EXOC6: variants seen among roughly 807,000 people sequenced by gnomAD.
The protein encoded by EXOC6 is exocyst complex component 6.
Under a neutral mutation model 112.5 loss-of-function variants are expected in EXOC6, and 60 were observed. The ratio of observed to expected loss-of-function variants is 0.53; its 90% CI spans 0.43 to 0.66. The LOEUF (loss-of-function observed/expected upper bound fraction) is 0.66. Ranked by LOEUF, EXOC6 falls within the 30% of genes least tolerant of loss-of-function variation. EXOC6 has a pLI of 0.00. For synonymous variants in EXOC6, 295 were observed against 308.0 expected (o/e 0.96, Z 0.44); for missense variants, 855 against 957.1 (o/e 0.89, Z 1.41).
chr10:92,890,471 C>A (rs1295143732), intron 1 of EXOC6, among the ~76,000 whole-genome samples: 7 of 152,076 alleles, frequency 4.6e-5, no homozygotes, highest in African/African-American at 1.7e-4. Context: ...GCTGGGGATG[C>A]AATAGGGAAC....
intron 1 of EXOC6, among the ~76,000 whole-genome samples, chr10:92,861,268 G>A (rs1023715432): frequency 1.3e-5 from 2 of 152,168 alleles, no homozygotes; most frequent in African/African-American, 2.4e-5. Flanking sequence ...CTGGGGGCAC[G>A]AACAGTGGCC....
intron 5 of EXOC6, among the ~76,000 whole-genome samples, chr10:92,905,840 T>G (rs535329596): frequency 6.6e-6 from 1 of 152,284 alleles, no homozygotes; most frequent in East Asian, 1.9e-4. Context: ...ATTCTGTCAA[T>G]GCCAATTAGA....
At chr10:93,029,421 G>T (rs938926015) in intron 20 of EXOC6, among the ~76,000 whole-genome samples, 1 of 151,994 alleles carries the variant, frequency 6.6e-6, no homozygotes, top group African/African-American at 2.4e-5. Flanking sequence ...CCATGTATTT[G>T]CCATTTGAAT....
chr10:92,929,034 G>A (rs1851875962), intron 9 of EXOC6, among the ~76,000 whole-genome samples: 1 of 152,208 alleles, frequency 6.6e-6, no homozygotes, highest in Admixed American at 6.5e-5. Flanking sequence ...AGGAGAATCT[G>A]CTGAGTAGGA....
chr10:92,860,508 G>T (rs993632655), intron 1 of EXOC6, among the ~76,000 whole-genome samples: 1 of 151,896 alleles, frequency 6.6e-6, no homozygotes, highest in African/African-American at 2.4e-5. Flanking sequence ...TGATCCACCC[G>T]CCTCGGCCTC....
rs1008701702 is a variant in EXOC6 at position 93,047,878 on chromosome 10, G to A, written c.2170-9046G>A. Among the ~76,000 whole-genome samples, 5 of 151,628 alleles carry A rather than the reference G, an allele frequency of 3.3e-5. No individual in the cohort carries two copies. In the South Asian group the frequency reaches 6.2e-4, roughly 19 times the overall value. On this transcript the variant is annotated intron_variant, in intron 20 of 21. Coordinates refer to ENST00000260762, the MANE Select transcript of EXOC6 (RefSeq NM_019053.6). The stretch of plus-strand genomic sequence containing the variant: ...GGAGAATTGCTTGAACCTGGGAGGC[G>A]GAGGTTGCAGTGAGCCAAGATCACG...
Position 92,952,379 on chromosome 10 carries a change from G to A in EXOC6, c.1523G>A (p.Arg508Gln), listed in dbSNP as rs201442114. Residue 508 changes from arginine to glutamine, a missense_variant, in exon 15 of 22, where the codon CGG becomes CAG. Coordinates refer to ENST00000260762, the MANE Select transcript of EXOC6 (RefSeq NM_019053.6). The stretch of plus-strand genomic sequence containing the variant: ...CTTAAATTTTCAGAGTCACTACACC[G>A]GAGGTGAGTTTACTAATCACAAATG... The part of the protein sequence containing the change: ...ASLKFSESLH[R>Q]SSTEIDDMLR... 57 of 1,564,980 alleles carry A rather than the reference G, an allele frequency of 3.6e-5. 1 individual carries two copies. The highest frequency in any genetic ancestry group is 2.2e-4 in the East Asian group (10 of 44,612).
chr10:92,923,604 A>G (rs887291713), intron 8 of EXOC6, among the ~76,000 whole-genome samples: 1 of 152,230 alleles, frequency 6.6e-6, no homozygotes, highest in Non-Finnish European at 1.5e-5. Context: ...GCTGCCTGAA[A>G]GTCCTCATGA....
At chr10:92,926,142 C>G (rs1443254886) in intron 8 of EXOC6, among the ~76,000 whole-genome samples, 1 of 151,194 alleles carries the variant, frequency 6.6e-6, no homozygotes, top group Non-Finnish European at 1.5e-5. Flanking sequence ...AAGTCTCACT[C>G]ATTCTATTAA....
chr10:92,991,451 AAAC>A (rs1374323803), intron 18 of EXOC6, among the ~76,000 whole-genome samples: 3 of 151,748 alleles, frequency 2.0e-5, no homozygotes, highest in Non-Finnish European at 2.9e-5. Flanking sequence ...AAAAAAAAAA[AAAC>A]AAAAGTTAGG....
chr10:93,039,340 G>A (rs747013026), intron 20 of EXOC6, among the ~76,000 whole-genome samples: 4 of 151,914 alleles, frequency 2.6e-5, no homozygotes, highest in Non-Finnish European at 4.4e-5. Flanking sequence ...TTGTGTTTTC[G>A]TAAATGTCAG....
chr10:92,976,537 A>G (rs900436457), intron 18 of EXOC6, among the ~76,000 whole-genome samples: 1 of 151,716 alleles, frequency 6.6e-6, no homozygotes, highest in Admixed American at 6.6e-5. Flanking sequence ...GGAAGGCCGC[A>G]GGGTCCTCTG....
At chr10:92,935,043 C>T (rs1852269424) in intron 11 of EXOC6, among the ~76,000 whole-genome samples, 1 of 151,842 alleles carries the variant, frequency 6.6e-6, no homozygotes, top group Non-Finnish European at 1.5e-5. Flanking sequence ...TAATATATTT[C>T]ATACTTAAAA....
rs1850361709 is a variant in EXOC6, at chr10:92,904,919, A to AGT, written c.459-4507_459-4506dup. ...CTTGTGTTATCTTCTAGAGTCTTAG[A>AGT]GTTTTGTGTTTTACATTTAGGTCTA... On this transcript the variant is annotated intron_variant, in intron 5 of 21. Transcript: ENST00000260762. 3.3e-5 allele frequency among the ~76,000 whole-genome samples: 5 copies of AGT among 152,002 alleles called. No homozygotes were observed. In the South Asian group the frequency reaches 1.0e-3, roughly 32 times the overall value.
chr10:93,040,991 G>T (rs1444400485), intron 20 of EXOC6, among the ~76,000 whole-genome samples: 2 of 152,226 alleles, frequency 1.3e-5, no homozygotes, highest in African/African-American at 2.4e-5. Flanking sequence ...GTATGCCTTA[G>T]ATACATATCA....
intron 7 of EXOC6, among the ~76,000 whole-genome samples, chr10:92,919,596 GTA>G (rs1851314221): frequency 6.6e-6 from 1 of 152,070 alleles, no homozygotes; most frequent in Non-Finnish European, 1.5e-5. Context: ...ACATAGCTGC[GTA>G]AGAACAGGAA....
intron 18 of EXOC6, among the ~76,000 whole-genome samples, chr10:92,990,037 T>A (rs1051369306): frequency 2.0e-5 from 3 of 152,152 alleles, no homozygotes; most frequent in Admixed American, 6.5e-5. Context: ...ATATAATATA[T>A]CCCTGTATTG....
chr10:92,954,062 C>CT (rs1389198212), intron 15 of EXOC6, among the ~76,000 whole-genome samples: 2 of 152,122 alleles, frequency 1.3e-5, no homozygotes, highest in Non-Finnish European at 2.9e-5. Flanking sequence ...GGGAGAATTA[C>CT]TTGAGTCCAG....
At chr10:92,943,434 A>C (rs1275223263) in intron 13 of EXOC6, among the ~76,000 whole-genome samples, 4 of 152,220 alleles carry the variant, frequency 2.6e-5, no homozygotes, top group African/African-American at 9.7e-5. Context: ...AAAAAGAAAA[A>C]TTATCAATAC....
Sources: gnomAD v4.1 joint callset for allele counts (sites outside exome capture counted in the v4.1 genomes callset) on GRCh38, gnomAD v4.1.1 for gene constraint, MANE v1.5 for transcripts, NCBI Gene and HGNC (gene_info 2026-07-23, HGNC 2026-07-21) for gene names.